CRIP2: variants seen among roughly 807,000 people sequenced by gnomAD.
CRIP2 encodes the protein cysteine rich protein 2.
CRIP2 carries 31 observed loss-of-function variants against 31.3 expected under a neutral mutation model. That is an observed-to-expected ratio of 0.99 (90% confidence interval 0.74 to 1.34). CRIP2 has a LOEUF of 1.34. Ranked by LOEUF, CRIP2 falls within the 40% of genes most tolerant of loss-of-function variation. CRIP2 has a pLI of 0.00. For missense variants in CRIP2, 389 were observed against 301.6 expected, an observed-to-expected ratio of 1.29 and a Z score of -2.15; for synonymous variants, 177 against 127.2, an observed-to-expected ratio of 1.39 and a Z score of -2.63.
intron 1 of CRIP2, among the ~76,000 whole-genome samples, chr14:105,475,706 C>G (rs2083917239): frequency 6.6e-6 from 1 of 152,204 alleles, no homozygotes; most frequent in Admixed American, 6.5e-5. Context: ...CTCCGGCAGG[C>G]GCGCTCCCCC....
Position 105,478,884 on chromosome 14 carries a change from CGGGCTGGGGCT to C in CRIP2, c.337+17_337+27del. Reference sequence around the variant, plus strand: ...GGGCCCAGCAGAGGTGGGCTGGGCGCGGGCTGGGGCTGGGGGTTGTGGGCACGCGCGGGCTG... The same window carrying C: ...GGGCCCAGCAGAGGTGGGCTGGGCGCGGGGGTTGTGGGCACGCGCGGGCTG... On this transcript the variant is annotated intron_variant, in intron 4 of 7. Coordinates refer to ENST00000329146, the MANE Select transcript of CRIP2 (RefSeq NM_001312.4). The surrounding 1 kb of genome is among the most constrained non-coding windows in gnomAD (Gnocchi z 4.9). The C allele has an allele frequency of 6.9e-7, 1 of 1,442,966 alleles. No individual in the cohort carries two copies. The allele number at this position is 1,442,966 out of a possible 1,614,324, so 89.4% of individuals were successfully genotyped here.
chr14:105,473,183 G>GAGGGACCCCT (rs1555435103), upstream of CRIP2: 1 of 1,520,964 alleles, frequency 6.6e-7, no homozygotes, highest in East Asian at 2.4e-5. Flanking sequence ...GCCCTGCTGT[G>GAGGGACCCCT]AGGGACCCCT....
chr14:105,473,647 G>C (rs2083878611), upstream of CRIP2: 3 of 1,204,676 alleles, frequency 2.5e-6, no homozygotes, highest in Admixed American at 2.6e-5. Context: ...GCTGGGGCCA[G>C]AAGGCTCAGA....
upstream of CRIP2, chr14:105,474,206 G>A (rs1314357922): frequency 1.3e-5 from 2 of 152,620 alleles, no homozygotes; most frequent in African/African-American, 4.8e-5. The surrounding 1 kb of genome is among the most constrained non-coding windows in gnomAD (Gnocchi z 5.1). Context: ...ACCACAGACA[G>A]TGTTGGGGCG....
At chr14:105,476,856 G>A (rs2083942527) in intron 1 of CRIP2, 1 of 791,200 alleles carries the variant, frequency 1.3e-6, no homozygotes, top group Non-Finnish European at 1.5e-6. Context: ...CCAGAGGGTT[G>A]TACCAGGGCC....
At chr14:105,475,583 A>T (rs1317830324) in intron 1 of CRIP2, among the ~76,000 whole-genome samples, 1 of 152,184 alleles carries the variant, frequency 6.6e-6, no homozygotes, top group African/African-American at 2.4e-5. Flanking sequence ...CCTTGTGCTC[A>T]AGCAGCCCAG....
In CRIP2 at chr14:105,478,686, G is replaced by C. The variant is rs2141757395; in HGVS notation, c.197-45G>C. 1 of 1,447,520 alleles carries C rather than the reference G, an allele frequency of 6.9e-7. No homozygotes were observed. Among genetic ancestry groups the C allele is most frequent in the African/African-American group, 1.4e-5 (1 of 70,212 alleles). 89.7% of individuals were successfully genotyped at this position (1,447,520 alleles called of 1,614,324 possible). A position where few individuals can be genotyped will look rare whatever the true frequency, so the allele number is the denominator to read the frequency against. ...GTTTTCTGAGATGCCCGGTGGCCGC[G>C]GCCCCCACCCCACGTACCCCCGCCC... On this transcript the variant is annotated intron_variant, in intron 3 of 7. Coordinates refer to ENST00000329146, the MANE Select transcript of CRIP2 (RefSeq NM_001312.4). The surrounding 1 kb of genome is among the most constrained non-coding windows in gnomAD (Gnocchi z 4.9).
At chr14:105,473,936 G>C (rs1252923133), upstream of CRIP2, among the ~76,000 whole-genome samples, 1 of 152,172 alleles carries the variant, frequency 6.6e-6, no homozygotes, top group African/African-American at 2.4e-5. Flanking sequence ...CCCCAGCCCG[G>C]GGCACAGAGG....
In CRIP2 at chr14:105,478,148, G is replaced by A. The variant is rs1047388246; in HGVS notation, c.44-118G>A. ...CCGCCAGGTGGAAGGAAGGCGCCTG[G>A]GAGACCTCCTGAAAGTGGGGACCCC... On this transcript the variant is annotated intron_variant, in intron 1 of 7. Transcript: ENST00000329146. The surrounding 1 kb of genome is among the most constrained non-coding windows in gnomAD (Gnocchi z 4.9). 6.6e-6 allele frequency: 5 copies of A among 761,914 alleles called. No individual in the cohort carries two copies. Among genetic ancestry groups the A allele is most frequent in the South Asian group, 5.8e-5 (3 of 51,856 alleles). 47.2% of individuals were successfully genotyped at this position (761,914 alleles called of 1,614,324 possible). A position where few individuals can be genotyped will look rare whatever the true frequency, so the allele number is the denominator to read the frequency against.
Position 105,479,194 on chromosome 14 carries a change from C to T in CRIP2, c.476C>T (p.Thr159Ile). 1 of 1,611,414 alleles carries T rather than the reference C, an allele frequency of 6.2e-7. No individual in the cohort carries two copies. Among genetic ancestry groups the T allele is most frequent in the Non-Finnish European group, 8.5e-7 (1 of 1,179,428 alleles). ...CTGCGCTGCGAGCGCTGCGGGAAGACACTGACCCCCGGCGGGCACGCGGAG... is the reference window on the plus strand; with the variant it reads ...CTGCGCTGCGAGCGCTGCGGGAAGATACTGACCCCCGGCGGGCACGCGGAG... ...PCLRCERCGK[T>I]LTPGGHAEHD... is the part of the protein sequence containing the mutation. The change falls in exon 6 of 8, where the codon ACA (threonine) becomes ATA (isoleucine). Residue 159 changes from threonine to isoleucine, a missense_variant. Physicochemically the swap from Thr to Ile is moderately conservative, Grantham distance 89. Transcript: ENST00000329146.
At chr14:105,479,344 A>C in intron 6 of CRIP2, 92 bp from the exon 7 acceptor site, 9 of 1,574,152 alleles carry the variant, frequency 5.7e-6, no homozygotes, top group Non-Finnish European at 7.8e-6. Context: ...CCTCTCCCCC[A>C]CGGCGAGCCG....
In CRIP2 at chr14:105,478,218, T is replaced by C. The variant is rs1595454588; in HGVS notation, c.44-48T>C. On this transcript the variant is annotated intron_variant, in intron 1 of 7. Transcript: ENST00000329146. The surrounding 1 kb of genome is among the most constrained non-coding windows in gnomAD (Gnocchi z 4.9). The stretch of plus-strand genomic sequence containing the variant: ...GGCTGCCAGGTGGGGGCGGAGGGGG[T>C]GCGGGGCGCGCCCCGGCCCTGACCC... The C allele has an allele frequency of 5.0e-6, 7 of 1,388,210 alleles. No homozygotes were observed. In the South Asian group the frequency reaches 8.6e-5, roughly 17 times the overall value. The allele number at this position is 1,388,210 out of a possible 1,614,324, so 86.0% of individuals were successfully genotyped here.
At chr14:105,473,871 C>T (rs1313617195), upstream of CRIP2, among the ~76,000 whole-genome samples, 1 of 152,132 alleles carries the variant, frequency 6.6e-6, no homozygotes, top group Non-Finnish European at 1.5e-5. Context: ...AGGCCCTGGG[C>T]CCCCAGGCAC....
intron 6 of CRIP2, 28 bp from the exon 7 acceptor site, chr14:105,479,408 C>G (rs373473162): frequency 1.2e-6 from 2 of 1,612,456 alleles, no homozygotes; most frequent in Non-Finnish European, 1.7e-6. Flanking sequence ...CTGTGGACTC[C>G]TCCCTCAGCA....
Position 105,474,930 on chromosome 14 carries a change from C to A in CRIP2, c.43+25C>A, listed in dbSNP as rs1555435425. 6.7e-7 allele frequency: 1 copy of A among 1,498,266 alleles called. No individual in the cohort carries two copies. Among genetic ancestry groups the A allele is most frequent in the Admixed American group, 2.2e-5 (1 of 45,696 alleles). 92.8% of individuals were successfully genotyped at this position (1,498,266 alleles called of 1,614,324 possible). A position where few individuals can be genotyped will look rare whatever the true frequency, so the allele number is the denominator to read the frequency against. ...GGTGAGTGCGTGCCCGCTCCCGGCC[C>A]GCTCGGTGCATCCCGCCGCCCTTCG... On this transcript the variant is annotated intron_variant, in intron 1 of 7. Coordinates refer to ENST00000329146, the MANE Select transcript of CRIP2 (RefSeq NM_001312.4). The surrounding 1 kb of genome is among the most constrained non-coding windows in gnomAD (Gnocchi z 5.1).
chr14:105,478,133 G>C lies in CRIP2; in HGVS notation c.44-133G>C. ...AAGGAGGGGCAGGGCCCGCCAGGTG[G>C]AAGGAAGGCGCCTGGGAGACCTCCT... On this transcript the variant is annotated intron_variant, in intron 1 of 7. Transcript: ENST00000329146. The surrounding 1 kb of genome is among the most constrained non-coding windows in gnomAD (Gnocchi z 4.9). 3 of 676,430 alleles carry C rather than the reference G, an allele frequency of 4.4e-6. No homozygotes were observed. In the South Asian group the frequency reaches 6.0e-5, roughly 14 times the overall value. The allele number at this position is 676,430 out of a possible 1,614,324, so 41.9% of individuals were successfully genotyped here.
chr14:105,477,650 T>G (rs1555436087), intron 1 of CRIP2: 12 of 572,302 alleles, frequency 2.1e-5, no homozygotes, highest in Non-Finnish European at 2.1e-5. Context: ...GTGGGGGAGA[T>G]GCATATGTGT....
Position 105,479,720 on chromosome 14 carries a change from C to T in CRIP2, c.*67C>T, listed in dbSNP as rs1459758225. 6.6e-7 allele frequency: 1 copy of T among 1,524,968 alleles called. No individual in the cohort carries two copies. The highest frequency in any genetic ancestry group is 1.9e-5 in the Admixed American group (1 of 53,260). 94.5% of individuals were successfully genotyped at this position (1,524,968 alleles called of 1,614,324 possible). On this transcript the variant is annotated 3_prime_UTR_variant, in exon 8 of 8. Coordinates refer to ENST00000329146, the MANE Select transcript of CRIP2 (RefSeq NM_001312.4). ...ACCCTGCAGGGGCCCCCCTGCTTGG[C>T]TCTGCTGGGAGAGTGCTCAGCCGCC...
rs2141761606 is a variant in CRIP2 at position 105,479,571 on chromosome 14, G to A, written c.560-15G>A. On this transcript the variant is annotated splice_polypyrimidine_tract_variant and intron_variant, in intron 7 of 7. Transcript: ENST00000329146. ...CACTGTTCCCCCGACCCACCCCAGCGGCCTCCCTCCACAGGAGTGAACACC... is the reference window on the plus strand; with the variant it reads ...CACTGTTCCCCCGACCCACCCCAGCAGCCTCCCTCCACAGGAGTGAACACC... The A allele has an allele frequency of 6.2e-7, 1 of 1,612,714 alleles. No homozygotes were observed. The highest frequency in any genetic ancestry group is 8.5e-7 in the Non-Finnish European group (1 of 1,179,902).
Sources: allele counts gnomAD v4.1 joint callset (sites outside exome capture counted in the v4.1 genomes callset), GRCh38; gene constraint gnomAD v4.1.1; non-coding constraint Gnocchi (gnomAD v3.1); transcripts MANE v1.5; gene names NCBI Gene and HGNC (gene_info 2026-07-23, HGNC 2026-07-21).